RAPGEF4: variants seen among roughly 807,000 people sequenced by gnomAD.
RAPGEF4 encodes RAP guanine-nucleotide-exchange factor (GEF) 4.
In RAPGEF4, 66 loss-of-function variants were observed where a neutral mutation model predicts 147.9. That is an observed-to-expected ratio of 0.45 (90% CI 0.37 to 0.55). The LOEUF (loss-of-function observed/expected upper bound fraction) is 0.55. Among genes scored for constraint, RAPGEF4 ranks in the 20% least tolerant of loss-of-function variants. The pLI, the probability that RAPGEF4 is intolerant of heterozygous loss-of-function variation, is 0.00. For synonymous variants in RAPGEF4, 419 were observed against 442.7 expected (o/e 0.95, Z 0.67); for missense variants, 1,071 against 1,257.3 (o/e 0.85, Z 2.24).
intron 3 of RAPGEF4, among the ~76,000 whole-genome samples, chr2:172,800,199 T>C (rs1403122512): frequency 6.6e-6 from 1 of 152,186 alleles, no homozygotes; most frequent in Admixed American, 6.5e-5. Flanking sequence ...CAGAGTTTTC[T>C]GGATGGATTT....
At chr2:172,839,570 T>G (rs1035833975) in intron 4 of RAPGEF4, among the ~76,000 whole-genome samples, 4 of 152,066 alleles carry the variant, frequency 2.6e-5, no homozygotes, top group Non-Finnish European at 4.4e-5. Context: ...GCTCCTTAAC[T>G]GCAACCTGTT....
intron 2 of RAPGEF4, among the ~76,000 whole-genome samples, chr2:172,796,233 C>T (rs1278716050): frequency 1.3e-5 from 2 of 151,968 alleles, no homozygotes; most frequent in Non-Finnish European, 1.5e-5. Flanking sequence ...TGAGTCACAA[C>T]GTTATTGTAG....
chr2:173,020,354 T>C (rs1318214669), intron 22 of RAPGEF4, among the ~76,000 whole-genome samples: 1 of 152,182 alleles, frequency 6.6e-6, no homozygotes, highest in African/African-American at 2.4e-5. Flanking sequence ...GCTCAGTAAT[T>C]ATGGTTGCAG....
At chr2:172,770,591 G>A (rs566019728) in intron 1 of RAPGEF4, among the ~76,000 whole-genome samples, 3 of 152,018 alleles carry the variant, frequency 2.0e-5, no homozygotes, top group South Asian at 2.1e-4. Context: ...TTTCTTATTC[G>A]AATGTACATA....
chr2:172,990,017 CA>C (rs10689863), intron 14 of RAPGEF4, among the ~76,000 whole-genome samples: 56 of 128,884 alleles, frequency 4.3e-4, no homozygotes, highest in Admixed American at 2.1e-3. Flanking sequence ...GGTCTTAATG[CA>C]AAAAAAAAAA....
chr2:172,990,835 T>G lies in RAPGEF4; in HGVS notation c.1400T>G (p.Leu467Arg). 6.2e-7 allele frequency: 1 copy of G among 1,613,958 alleles called. No individual in the cohort carries two copies. Among genetic ancestry groups the G allele is most frequent in the Non-Finnish European group, 8.5e-7 (1 of 1,179,922 alleles). ...GACGTGGAGGCGAATACAGTCAGAC[T>G]TAAAGAACATGACCAAGATGTCTTG... ...LRDVEANTVRLKEHDQDVLVL... is the reference protein window; with the variant it reads ...LRDVEANTVRRKEHDQDVLVL... The change falls in exon 15 of 31, where the codon CTT (leucine) becomes CGT (arginine). Residue 467 changes from leucine to arginine, a missense_variant. Coordinates refer to ENST00000397081, the MANE Select transcript of RAPGEF4 (RefSeq NM_007023.4).
At chr2:173,044,266 C>A (rs1318256923) in intron 29 of RAPGEF4, among the ~76,000 whole-genome samples, 2 of 119,310 alleles carry the variant, frequency 1.7e-5, no homozygotes, top group Admixed American at 2.1e-4. Context: ...TGTCATGGCG[C>A]CGGGGGGCGG....
intron 6 of RAPGEF4, among the ~76,000 whole-genome samples, chr2:172,938,031 G>C (rs948559932): frequency 6.6e-6 from 1 of 151,982 alleles, no homozygotes; most frequent in African/African-American, 2.4e-5. Flanking sequence ...TATATTCTCG[G>C]CTCTAGTCCC....
At chr2:172,781,826 G>A (rs1684711365) in intron 1 of RAPGEF4, among the ~76,000 whole-genome samples, 1 of 152,168 alleles carries the variant, frequency 6.6e-6, no homozygotes, top group Admixed American at 6.5e-5. Context: ...TAAACAGGAT[G>A]CAAATAGTTG....
intron 4 of RAPGEF4, among the ~76,000 whole-genome samples, chr2:172,828,028 A>G (rs1022611495): frequency 2.0e-5 from 3 of 152,090 alleles, no homozygotes; most frequent in African/African-American, 4.8e-5. Context: ...ATCTGCAAGC[A>G]TTAGTCAAGC....
chr2:173,037,428 C>T (rs904323984), intron 29 of RAPGEF4, among the ~76,000 whole-genome samples: 1 of 152,108 alleles, frequency 6.6e-6, no homozygotes, highest in African/African-American at 2.4e-5. Flanking sequence ...GGCACATATT[C>T]AGTATTTTCT....
At chr2:172,916,595 C>A (rs1452883785) in intron 4 of RAPGEF4, among the ~76,000 whole-genome samples, 1 of 152,158 alleles carries the variant, frequency 6.6e-6, no homozygotes, top group African/African-American at 2.4e-5. Context: ...TCTGAGTGAT[C>A]ACTTAGCTCA....
intron 4 of RAPGEF4, among the ~76,000 whole-genome samples, chr2:172,911,757 CCTTT>C (rs1700116490): frequency 8.0e-6 from 1 of 125,052 alleles, no homozygotes; most frequent in African/African-American, 3.0e-5. Flanking sequence ...CTGTGCTAAG[CCTTT>C]TTTTTTTTTT....
At chr2:172,908,715 C>G (rs1368901808) in intron 4 of RAPGEF4, among the ~76,000 whole-genome samples, 7 of 152,160 alleles carry the variant, frequency 4.6e-5, no homozygotes, top group Non-Finnish European at 7.4e-5. Flanking sequence ...TAAAGACACT[C>G]TAGTGATCAT....
At chr2:172,934,070 A>G (rs1236367047) in intron 6 of RAPGEF4, among the ~76,000 whole-genome samples, 2 of 152,096 alleles carry the variant, frequency 1.3e-5, no homozygotes, top group Non-Finnish European at 2.9e-5. Context: ...GCCTAGTCAC[A>G]AATTTCTAAT....
At chr2:172,950,301 C>T (rs888755937) in intron 6 of RAPGEF4, among the ~76,000 whole-genome samples, 2 of 152,086 alleles carry the variant, frequency 1.3e-5, no homozygotes, top group African/African-American at 4.8e-5. Flanking sequence ...TCAGTGGTAC[C>T]CAGTGGCGGG....
intron 4 of RAPGEF4, among the ~76,000 whole-genome samples, chr2:172,884,206 A>G (rs962707760): frequency 1.3e-5 from 2 of 152,204 alleles, no homozygotes; most frequent in African/African-American, 4.8e-5. Context: ...GGCTTCTCCT[A>G]CAGCAGTGTT....
At chr2:172,968,093 C>A (rs74464494) in intron 10 of RAPGEF4, among the ~76,000 whole-genome samples, 1 of 152,164 alleles carries the variant, frequency 6.6e-6, no homozygotes, top group Non-Finnish European at 1.5e-5. Context: ...TATTATTAAG[C>A]CCCCGTTTGA....
chr2:172,930,497 C>T (rs1056119966), intron 6 of RAPGEF4, among the ~76,000 whole-genome samples: 4 of 152,108 alleles, frequency 2.6e-5, no homozygotes, highest in Admixed American at 1.3e-4. Context: ...AATCAATACT[C>T]CCTCATTTCT....
Sources: gnomAD v4.1 joint callset for allele counts (sites outside exome capture counted in the v4.1 genomes callset) on GRCh38, gnomAD v4.1.1 for gene constraint, MANE v1.5 for transcripts, NCBI Gene and HGNC (gene_info 2026-07-23, HGNC 2026-07-21) for gene names.